The following DSCAM variants were observed in gnomAD, a reference collection of about 807,000 sequenced individuals.
The protein encoded by DSCAM is DS cell adhesion molecule.
DSCAM carries 47 observed loss-of-function variants against 217.7 expected under a neutral mutation model. The observed-to-expected ratio is 0.22, with a 90% CI of 0.17 to 0.28. DSCAM has a LOEUF of 0.28. Among genes scored for constraint, DSCAM ranks in the 10% least tolerant of loss-of-function variants. The pLI is 1.00. For missense variants in DSCAM, 2,080 were observed against 2,618.3 expected, an observed-to-expected ratio of 0.79 and a Z score of 4.49; for synonymous variants, 1,056 against 1,015.3, an observed-to-expected ratio of 1.04 and a Z score of -0.76.
intron 3 of DSCAM, among the ~76,000 whole-genome samples, chr21:40,643,805 G>A (rs984586254): frequency 5.9e-5 from 9 of 152,256 alleles, no homozygotes; most frequent in Admixed American, 1.3e-4. Context: ...CACACAATGA[G>A]TATGCAGCTA....
intron 18 of DSCAM, among the ~76,000 whole-genome samples, chr21:40,138,803 G>C (rs907861225): frequency 6.8e-6 from 1 of 146,810 alleles, no homozygotes; most frequent in African/African-American, 2.5e-5. Context: ...TGTGTGGTAT[G>C]TGTGGTGTGT....
chr21:40,078,591 A>G, intron 26 of DSCAM, 96 bp downstream of exon 26: 2 of 1,507,700 alleles, frequency 1.3e-6, no homozygotes, highest in East Asian at 2.3e-5. Context: ...CACTGGTCAA[A>G]CTATGGCAAA....
At chr21:40,033,900 AC>A (rs57595852) in intron 32 of DSCAM, among the ~76,000 whole-genome samples, 21,225 of 134,952 alleles carry the variant, frequency 0.16, 1,933 homozygotes, top group Non-Finnish European at 0.21. Context: ...ACTGGGAGGC[AC>A]CCCCCAGCAG....
rs1477541437 is a variant in DSCAM at position 40,011,129 on chromosome 21, A to C, written c.*1905T>G. ...TTTTAATTTTTTCCCCCAGAAAGTAACATTTCTTTTGCATAAAAAAAAAAC... is the reference window on the plus strand; with the variant it reads ...TTTTAATTTTTTCCCCCAGAAAGTACCATTTCTTTTGCATAAAAAAAAAAC... On this transcript the variant is annotated 3_prime_UTR_variant, in exon 33 of 33. Coordinates refer to ENST00000400454, the MANE Select transcript of DSCAM (RefSeq NM_001389.5). 1 of 152,104 alleles carries C rather than the reference A, an allele frequency of 6.6e-6. No homozygotes were observed. The highest frequency in any genetic ancestry group is 1.5e-5 in the Non-Finnish European group (1 of 68,038). The allele number at this position is 152,104 out of a possible 1,614,324, so 9.4% of individuals were successfully genotyped here.
At chr21:40,295,500 G>C (rs2073944155) in intron 10 of DSCAM, among the ~76,000 whole-genome samples, 1 of 152,094 alleles carries the variant, frequency 6.6e-6, no homozygotes, top group Admixed American at 6.6e-5. Flanking sequence ...GTGCAAGCAG[G>C]GAACATGAGA....
chr21:40,374,655 AT>A (rs1333313619), intron 3 of DSCAM, among the ~76,000 whole-genome samples: 1 of 152,244 alleles, frequency 6.6e-6, no homozygotes, highest in Non-Finnish European at 1.5e-5. Context: ...CACAAAATTT[AT>A]ATGATGAATT....
chr21:40,780,411 GTGTGTGTGTGTGTATATATA>G (rs776555840), intron 1 of DSCAM, among the ~76,000 whole-genome samples: 15 of 88,550 alleles, frequency 1.7e-4, no homozygotes, highest in South Asian at 4.2e-4. Flanking sequence ...GTGTGTGTGT[GTGTGTGTGTGTGTATATATA>G]TATATATATA....
chr21:40,033,049 A>C (rs1265413604), intron 32 of DSCAM, among the ~76,000 whole-genome samples: 1 of 152,174 alleles, frequency 6.6e-6, no homozygotes, highest in Admixed American at 6.5e-5. Context: ...TTCCACCCTT[A>C]TCCATTAATT....
rs377731649 is a variant in DSCAM at position 40,658,339 on chromosome 21, T to G, written c.508+34471A>C. On this transcript the variant is annotated intron_variant, in intron 3 of 32. Transcript: ENST00000400454. ...CAGTGGGTCTGTGAAGACACTGACC[T>G]TCTAGCTTTTTGTCAAGCCCTCTGG... Among the ~76,000 whole-genome samples the G allele has an allele frequency of 4.0e-4, 61 of 152,348 alleles. No homozygotes were observed. In the South Asian group the frequency reaches 0.011, roughly 28 times the overall value.
intron 10 of DSCAM, among the ~76,000 whole-genome samples, chr21:40,282,590 C>CAAAAAAAA (rs528248714): frequency 2.7e-4 from 9 of 32,946 alleles, no homozygotes; most frequent in African/African-American, 5.2e-4. Flanking sequence ...GACTCTGTCT[C>CAAAAAAAA]AAAAAAAAAA....
chr21:40,811,451 C>G (rs2091837950), intron 1 of DSCAM, among the ~76,000 whole-genome samples: 1 of 152,216 alleles, frequency 6.6e-6, no homozygotes, highest in Non-Finnish European at 1.5e-5. Context: ...TTTAATTATT[C>G]TTACAAGTTC....
chr21:40,762,653 CA>C (rs1227287827), intron 1 of DSCAM, among the ~76,000 whole-genome samples: 1 of 152,130 alleles, frequency 6.6e-6, no homozygotes, highest in Non-Finnish European at 1.5e-5. Flanking sequence ...GGCAGAGACA[CA>C]ACAAGAAAAG....
chr21:40,293,728 G>C (rs2073922070), intron 10 of DSCAM, among the ~76,000 whole-genome samples: 1 of 152,130 alleles, frequency 6.6e-6, no homozygotes, highest in African/African-American at 2.4e-5. Flanking sequence ...GGGAGGCTGA[G>C]GCAGAAGAAT....
In DSCAM at chr21:40,834,535, A is replaced by G. The variant is rs186003733; in HGVS notation, c.43+12084T>C. 1.3e-3 allele frequency among the ~76,000 whole-genome samples: 198 copies of G among 151,894 alleles called. 1 individual carries two copies. Among genetic ancestry groups the G allele is most frequent in the Middle Eastern group, 3.4e-3 (1 of 292 alleles). On this transcript the variant is annotated intron_variant, in intron 1 of 32. Transcript: ENST00000400454. ...TATTTAGAGCTTTACAATAACCCATAATGCCTATGCCTGTGCACTTCAGAA... is the reference window on the plus strand; with the variant it reads ...TATTTAGAGCTTTACAATAACCCATGATGCCTATGCCTGTGCACTTCAGAA...
At chr21:40,158,354 C>T (rs1343817538) in intron 16 of DSCAM, among the ~76,000 whole-genome samples, 2 of 152,034 alleles carry the variant, frequency 1.3e-5, no homozygotes, top group East Asian at 3.9e-4. Flanking sequence ...GGTGCCACTA[C>T]ACTGCATTCA....
intron 3 of DSCAM, among the ~76,000 whole-genome samples, chr21:40,532,884 G>C (rs1160784543): frequency 4.8e-5 from 7 of 145,000 alleles, no homozygotes. Flanking sequence ...GTGTGTGTGT[G>C]TGTGTGTGTG....
chr21:40,774,109 A>T (rs1159587702), intron 1 of DSCAM, among the ~76,000 whole-genome samples: 1 of 152,226 alleles, frequency 6.6e-6, no homozygotes, highest in Non-Finnish European at 1.5e-5. Flanking sequence ...TTAAGACAAC[A>T]GTGCTTTGCA....
chr21:40,667,078 A>T (rs1324188935), intron 3 of DSCAM, among the ~76,000 whole-genome samples: 2 of 152,234 alleles, frequency 1.3e-5, no homozygotes, highest in Admixed American at 6.5e-5. Flanking sequence ...GAAGCAGCAG[A>T]CTTATCCAGG....
chr21:40,393,401 G>A (rs2075151303), intron 3 of DSCAM, among the ~76,000 whole-genome samples: 1 of 152,166 alleles, frequency 6.6e-6, no homozygotes, highest in African/African-American at 2.4e-5. Flanking sequence ...GTGAGCTTGT[G>A]CTTTGGAGGA....
Sources: allele counts gnomAD v4.1 joint callset (sites outside exome capture counted in the v4.1 genomes callset), GRCh38; gene constraint gnomAD v4.1.1; transcripts MANE v1.5; gene names NCBI Gene and HGNC (gene_info 2026-07-23, HGNC 2026-07-21).